PPP1R12B: variants seen among roughly 807,000 people sequenced by gnomAD.
PPP1R12B encodes the protein myosin phosphatase target subunit 2.
A neutral mutation model predicts 126.1 loss-of-function variants in PPP1R12B; 76 were observed. The observed-to-expected ratio is 0.60, with a 90% CI of 0.50 to 0.73. The LOEUF (loss-of-function observed/expected upper bound fraction) is 0.73. Ranked by LOEUF, PPP1R12B falls within the 30% of genes least tolerant of loss-of-function variation. The probability of loss-of-function intolerance (pLI) is 0.00; values close to 1 mark genes in which losing one functional copy is unlikely to be tolerated. For missense variants in PPP1R12B, 1,052 were observed against 1,205.1 expected, an observed-to-expected ratio of 0.87 and a Z score of 1.88; for synonymous variants, 356 against 434.7, an observed-to-expected ratio of 0.82 and a Z score of 2.25.
intron 13 of PPP1R12B, among the ~76,000 whole-genome samples, chr1:202,454,460 G>A (rs560058574): frequency 6.6e-6 from 1 of 152,326 alleles, no homozygotes; most frequent in South Asian, 2.1e-4. Flanking sequence ...TAAAGTACCT[G>A]TTGCCAGGTG....
At chr1:202,394,322 A>AT (rs1664601968) in intron 1 of PPP1R12B, among the ~76,000 whole-genome samples, 1 of 152,206 alleles carries the variant, frequency 6.6e-6, no homozygotes, top group Non-Finnish European at 1.5e-5. Flanking sequence ...GAAAAAAAAA[A>AT]TTCTGAAAGA....
At chr1:202,439,325 C>A in intron 10 of PPP1R12B, 1 of 1,419,476 alleles carries the variant, frequency 7.0e-7, no homozygotes, top group Non-Finnish European at 9.9e-7. Context: ...TGAGGGCAGC[C>A]CTGAAGCTGG....
At chr1:202,534,214 C>T (rs1308998788) in intron 18 of PPP1R12B, among the ~76,000 whole-genome samples, 1 of 152,116 alleles carries the variant, frequency 6.6e-6, no homozygotes, top group East Asian at 1.9e-4. Context: ...GCTTCTGTGT[C>T]CTTGTGTCAT....
chr1:202,474,425 G>A (rs1676364680), intron 13 of PPP1R12B, among the ~76,000 whole-genome samples: 1 of 151,960 alleles, frequency 6.6e-6, no homozygotes, highest in African/African-American at 2.4e-5. Context: ...TAGGATTACA[G>A]GTGTAGGCCA....
intron 23 of PPP1R12B, among the ~76,000 whole-genome samples, chr1:202,571,763 ATTTT>A (rs58592681): frequency 1.9e-4 from 29 of 149,998 alleles, no homozygotes; most frequent in Admixed American, 1.8e-3. Flanking sequence ...GCCAGGACTG[ATTTT>A]TTTTTTAGTT....
intron 1 of PPP1R12B, among the ~76,000 whole-genome samples, chr1:202,380,047 C>T (rs917475066): frequency 6.6e-6 from 1 of 152,106 alleles, no homozygotes. Flanking sequence ...CCTACCATTC[C>T]TCAACCTCAT....
chr1:202,422,762 C>T, intron 3 of PPP1R12B, 24 bp downstream of exon 3: 1 of 1,612,164 alleles, frequency 6.2e-7, no homozygotes, highest in Non-Finnish European at 8.5e-7. Context: ...TTGGAGGGGG[C>T]CAGGAAAGAT....
At chr1:202,473,392 C>T (rs1418502452) in intron 13 of PPP1R12B, among the ~76,000 whole-genome samples, 2 of 152,134 alleles carry the variant, frequency 1.3e-5, no homozygotes, top group Non-Finnish European at 2.9e-5. Flanking sequence ...TCAGGTGTTC[C>T]TTTTTTATCT....
At chr1:202,464,443 G>A (rs1185983150) in intron 13 of PPP1R12B, among the ~76,000 whole-genome samples, 4 of 152,164 alleles carry the variant, frequency 2.6e-5, no homozygotes, top group Admixed American at 6.5e-5. Context: ...GGATGAGTTC[G>A]CAGATGAGCC....
At chr1:202,513,275 G>C (rs1303198849) in intron 18 of PPP1R12B, among the ~76,000 whole-genome samples, 2 of 152,048 alleles carry the variant, frequency 1.3e-5, no homozygotes, top group Non-Finnish European at 2.9e-5. Context: ...TGCCCAGCCT[G>C]TTTCTTGTTC....
chr1:202,478,141 C>G (rs1163175524), intron 13 of PPP1R12B, among the ~76,000 whole-genome samples: 6 of 152,174 alleles, frequency 3.9e-5, no homozygotes, highest in African/African-American at 1.4e-4. Flanking sequence ...AGGGCTTGCT[C>G]TACATAGGGG....
At chr1:202,471,095 C>A (rs1303263405) in intron 13 of PPP1R12B, among the ~76,000 whole-genome samples, 3 of 152,066 alleles carry the variant, frequency 2.0e-5, no homozygotes, top group Non-Finnish European at 2.9e-5. Context: ...TAATCACTAT[C>A]CTGAATTTGC....
chr1:202,422,818 A>T, intron 3 of PPP1R12B, 80 bp downstream of exon 3: 1 of 1,586,886 alleles, frequency 6.3e-7, no homozygotes, highest in Non-Finnish European at 8.6e-7. Context: ...TGCTGTGCAG[A>T]GCATTTCACT....
chr1:202,560,481 T>C (rs914075582), intron 19 of PPP1R12B, among the ~76,000 whole-genome samples: 8 of 152,232 alleles, frequency 5.3e-5, no homozygotes, highest in African/African-American at 1.9e-4. Flanking sequence ...AGACCATATG[T>C]TGTAACTTCC....
At chr1:202,580,296 C>T (rs575141863) in intron 23 of PPP1R12B, among the ~76,000 whole-genome samples, 178 bp from the exon 24 acceptor site, 19 of 152,324 alleles carry the variant, frequency 1.2e-4, no homozygotes, top group African/African-American at 4.6e-4. Flanking sequence ...ATTAACATTA[C>T]CAACTCAATA....
intron 13 of PPP1R12B, among the ~76,000 whole-genome samples, chr1:202,487,647 C>G (rs1486371311): frequency 1.3e-5 from 2 of 149,954 alleles, no homozygotes; most frequent in African/African-American, 4.9e-5. Context: ...TCACTCTTGT[C>G]ACCCAGGCTG....
At chr1:202,532,932 C>T (rs541940144) in intron 18 of PPP1R12B, among the ~76,000 whole-genome samples, 63 of 124,026 alleles carry the variant, frequency 5.1e-4, no homozygotes, top group Non-Finnish European at 7.2e-4. Flanking sequence ...TGCAATGTTG[C>T]GATCTCGGCT....
chr1:202,452,514 C>T (rs1171241741), intron 13 of PPP1R12B, among the ~76,000 whole-genome samples: 3 of 151,478 alleles, frequency 2.0e-5, no homozygotes, highest in East Asian at 1.9e-4. Flanking sequence ...AGTCCAGCTT[C>T]GGCTTGGCAT....
intron 18 of PPP1R12B, among the ~76,000 whole-genome samples, chr1:202,521,222 G>A (rs1034810684): frequency 3.3e-5 from 5 of 152,146 alleles, no homozygotes; most frequent in African/African-American, 1.2e-4. Context: ...CTGGTTCAAG[G>A]TTGGCACATT....
Sources: allele counts gnomAD v4.1 joint callset (sites outside exome capture counted in the v4.1 genomes callset), GRCh38; gene constraint gnomAD v4.1.1; transcripts MANE v1.5; gene names NCBI Gene and HGNC (gene_info 2026-07-23, HGNC 2026-07-21).